The following ZNF331 variants were observed in gnomAD, a reference collection of about 807,000 sequenced individuals.
ZNF331 encodes zinc finger protein 331.
Under a neutral mutation model 7.0 loss-of-function variants are expected in ZNF331, and 2 were observed. The observed-to-expected ratio is 0.29, with a 90% CI of 0.12 to 0.90. ZNF331 has a LOEUF of 0.90. Among genes scored for constraint, ZNF331 ranks in the 40% least tolerant of loss-of-function variants. The probability of loss-of-function intolerance (pLI) is 0.58; values close to 1 mark genes in which losing one functional copy is unlikely to be tolerated. For missense variants in ZNF331, 432 were observed against 587.7 expected (o/e 0.74, Z 2.74); for synonymous variants, 196 against 205.4 (o/e 0.95, Z 0.39).
chr19:53,564,494 G>C (rs1286599821), intron 3 of ZNF331, among the ~76,000 whole-genome samples: 1 of 151,788 alleles, frequency 6.6e-6, no homozygotes, highest in Non-Finnish European at 1.5e-5. Flanking sequence ...TGGCCAGGCT[G>C]GTTTTGGAAC....
upstream of ZNF331, among the ~76,000 whole-genome samples, chr19:53,517,914 G>C (rs1859790064): frequency 6.6e-6 from 1 of 152,308 alleles, no homozygotes; most frequent in African/African-American, 2.4e-5. Flanking sequence ...AATCACAAAA[G>C]CCATGAGCCG....
Position 53,576,768 on chromosome 19 carries a change from A to G in ZNF331, c.208A>G (p.Arg70Gly). The G allele has an allele frequency of 6.2e-7, 1 of 1,614,052 alleles. No homozygotes were observed. The highest frequency in any genetic ancestry group is 8.5e-7 in the Non-Finnish European group (1 of 1,180,012). ...KNIHEIRASKRNSDRRSKSLG... is the reference protein window; with the variant it reads ...KNIHEIRASKGNSDRRSKSLG... ...CATTCATGAAATAAGGGCTTCCAAA[A>G]GGAATTCAGATAGAAGAAGTAAATC... The change falls in exon 6 of 6, where the codon AGG (arginine) becomes GGG (glycine). Residue 70 changes from arginine to glycine, a missense_variant. Arg to Gly is a moderately radical substitution (Grantham distance 125, BLOSUM62 -2). Around this residue, in one of 3 missense-constraint regions of ZNF331, gnomAD observed 81 missense variants for 70.3 expected, o/e 1.15. Coordinates refer to ENST00000449416, the MANE Select transcript of ZNF331 (RefSeq NM_001079906.2).
rs141012535 is a variant in ZNF331 at position 53,559,870 on chromosome 19, C to G, written c.-74+3962C>G. ...TACACATATACATACCATACACACACGAGCATATACACACACATGCCATAC... is the reference window on the plus strand; with the variant it reads ...TACACATATACATACCATACACACAGGAGCATATACACACACATGCCATAC... On this transcript the variant is annotated intron_variant, in intron 3 of 5. Transcript: ENST00000449416. 5.4e-3 allele frequency among the ~76,000 whole-genome samples: 818 copies of G among 151,138 alleles called. 7 individuals carry two copies. Among genetic ancestry groups the G allele is most frequent in the Non-Finnish European group, 9.3e-3 (627 of 67,684 alleles).
chr19:53,514,652 C>CTTTTT (rs67056894), upstream of ZNF331, among the ~76,000 whole-genome samples: 63 of 132,976 alleles, frequency 4.7e-4, 1 homozygote, highest in South Asian at 5.4e-3. Context: ...AAGCCTTCTC[C>CTTTTT]TTTTTTTTTT....
chr19:53,512,885 C>T, the ZNF331 span, among the ~76,000 whole-genome samples: 27 of 146,236 alleles, frequency 1.8e-4, no homozygotes, highest in Non-Finnish European at 3.4e-4. Context: ...CTGAAACCAT[C>T]CCCCCGTCTG....
At chr19:53,512,802 C>T in the ZNF331 span, 2 of 149,478 alleles carry the variant, frequency 1.3e-5, no homozygotes, top group African/African-American at 4.9e-5. Context: ...ACTGTGCATG[C>T]GAAGGATCTG....
At chr19:53,545,892 C>A (rs762304543) in intron 2 of ZNF331, among the ~76,000 whole-genome samples, 24 of 152,102 alleles carry the variant, frequency 1.6e-4, no homozygotes, top group Non-Finnish European at 2.9e-4. Context: ...GGAGAGGTGA[C>A]TAACTTGGTA....
chr19:53,559,585 ACATT>A (rs1273801731), intron 3 of ZNF331, among the ~76,000 whole-genome samples: 1 of 150,682 alleles, frequency 6.6e-6, no homozygotes, highest in Non-Finnish European at 1.5e-5. Context: ...ACATATATAC[ACATT>A]CATACATGTA....
Position 53,527,345 on chromosome 19 carries a change from C to T in ZNF331, c.-205+4661C>T, listed in dbSNP as rs2708756. The stretch of plus-strand genomic sequence containing the variant: ...ATAACAAGTGTATCTCAAAAATGTC[C>T]ACACCCTAATTCATGAATGCAGGAA... On this transcript the variant is annotated intron_variant, in intron 2 of 6. Transcript: ENST00000253144. 3.4e-3 allele frequency among the ~76,000 whole-genome samples: 517 copies of T among 152,170 alleles called. 3 individuals are homozygous for T. Among genetic ancestry groups the T allele is most frequent in the African/African-American group, 0.012 (492 of 41,508 alleles).
chr19:53,546,140 G>GAAAAAAAAAAAAAAAAAAAAAAAAAAAA (rs527391326), intron 2 of ZNF331, among the ~76,000 whole-genome samples: 42 of 113,494 alleles, frequency 3.7e-4, no homozygotes, highest in Admixed American at 1.1e-3. Context: ...TCCTGAGGGG[G>GAAAAAAAAAAAAAAAAAAAAAAAAAAAA]AAAAAAAAAA....
intron 4 of ZNF331, 32 bp downstream of exon 4, chr19:53,569,417 TA>T (rs2147638886): frequency 6.2e-7 from 1 of 1,613,438 alleles, no homozygotes; most frequent in East Asian, 2.2e-5. Context: ...CTTCTTGAGC[TA>T]TGATATTTGC....
rs781345642 is a variant in ZNF331, at chr19:53,573,744, C to T, written c.136+2014C>T. 6.6e-6 allele frequency among the ~76,000 whole-genome samples: 1 copy of T among 152,178 alleles called. No individual in the cohort carries two copies. Among genetic ancestry groups the T allele is most frequent in the Non-Finnish European group, 1.5e-5 (1 of 68,030 alleles). On this transcript the variant is annotated intron_variant, in intron 5 of 5. Transcript: ENST00000449416. This position sits in a 1 kb window ranked among gnomAD's most constrained non-coding sequence, Gnocchi z 4.2. The stretch of plus-strand genomic sequence containing the variant: ...TCAGCCTTCCAAAGAGGCTGGATTA[C>T]AGGCGTGAGCCACTGCACCTGGCTC...
chr19:53,520,260 G>T (rs1023079189), upstream of ZNF331, among the ~76,000 whole-genome samples: 2 of 151,944 alleles, frequency 1.3e-5, no homozygotes, highest in African/African-American at 2.4e-5. Context: ...TTGGGCAGGA[G>T]GGTCTCGAAC....
intron 3 of ZNF331, among the ~76,000 whole-genome samples, chr19:53,568,605 T>C (rs545974806): frequency 1.3e-5 from 2 of 152,232 alleles, no homozygotes; most frequent in African/African-American, 2.4e-5. Flanking sequence ...AGAGGTAATA[T>C]AGATTACCTT....
intron 2 of ZNF331, among the ~76,000 whole-genome samples, chr19:53,541,402 G>A (rs563187896): frequency 2.2e-4 from 33 of 151,858 alleles, no homozygotes; most frequent in Non-Finnish European, 3.5e-4. Flanking sequence ...CACCGTGCCC[G>A]GCCTATATTT....
At chr19:53,534,634 A>G (rs2087670684), upstream of ZNF331, among the ~76,000 whole-genome samples, 1 of 152,144 alleles carries the variant, frequency 6.6e-6, no homozygotes, top group Non-Finnish European at 1.5e-5. Context: ...TTCTTCTTGT[A>G]TCACCTCATT....
At chr19:53,547,242 C>A (rs2088673784) in intron 2 of ZNF331, among the ~76,000 whole-genome samples, 1 of 152,180 alleles carries the variant, frequency 6.6e-6, no homozygotes, top group Non-Finnish European at 1.5e-5. Context: ...CTCTCTTCTT[C>A]TGTGAGTTGG....
At chr19:53,516,392 G>A (rs1600164736), upstream of ZNF331, among the ~76,000 whole-genome samples, 1 of 150,616 alleles carries the variant, frequency 6.6e-6, no homozygotes, top group South Asian at 2.1e-4. Context: ...AGAGGTTGCA[G>A]TGAGCCGAGA....
chr19:53,576,880 A>G lies in ZNF331; in HGVS notation c.320A>G (p.Tyr107Cys), dbSNP rs2090750585. The G allele has an allele frequency of 1.9e-6, 3 of 1,614,066 alleles. No homozygotes were observed. In the African/African-American group the frequency reaches 4.0e-5, roughly 22 times the overall value. The change falls in exon 6 of 6, where the codon TAT becomes TGT. Residue 107 changes from tyrosine (Y) to cysteine (C), a missense_variant. Coordinates refer to ENST00000449416, the MANE Select transcript of ZNF331 (RefSeq NM_001079906.2). Reference protein sequence around the residue: ...GRYVNQMIINYVKRPATREGT... With the variant: ...GRYVNQMIINCVKRPATREGT... ...TATGTCAATCAGATGATCATCAATT[A>G]TGTCAAAAGACCTGCTACTAGAGAA...
Sources: allele counts gnomAD v4.1 joint callset (sites outside exome capture counted in the v4.1 genomes callset), GRCh38; gene constraint gnomAD v4.1.1; regional missense constraint gnomAD v4.1.1; non-coding constraint Gnocchi (gnomAD v3.1); transcripts MANE v1.5; gene names NCBI Gene and HGNC (gene_info 2026-07-23, HGNC 2026-07-21).